The following ROBO2 variants were observed in gnomAD, a reference collection of about 807,000 sequenced individuals.
ROBO2 encodes the protein roundabout guidance receptor 2, also known as roundabout homolog 2.
ROBO2 carries 53 observed loss-of-function variants against 160.8 expected under a neutral mutation model. That is an observed-to-expected ratio of 0.33 (90% CI 0.26 to 0.41). The LOEUF is 0.41. Among genes scored for constraint, ROBO2 ranks in the 10% least tolerant of loss-of-function variants. The pLI is 1.00. For synonymous variants in ROBO2, 664 were observed against 611.7 expected, an observed-to-expected ratio of 1.09 and a Z score of -1.26; for missense variants, 1,577 against 1,722.4, an observed-to-expected ratio of 0.92 and a Z score of 1.49.
chr3:77,436,110 A>C (rs1441771962), intron 2 of ROBO2, among the ~76,000 whole-genome samples: 3 of 151,380 alleles, frequency 2.0e-5, no homozygotes, highest in African/African-American at 7.3e-5. Context: ...TATATAATAC[A>C]TCTGATTCTT....
intron 2 of ROBO2, among the ~76,000 whole-genome samples, chr3:76,476,069 C>T (rs1398940237): frequency 2.0e-5 from 3 of 152,158 alleles, no homozygotes; most frequent in Non-Finnish European, 1.5e-5. Context: ...AGGAGAATCA[C>T]TTAAACCCCG....
At chr3:77,251,760 A>C (rs2090376291) in intron 2 of ROBO2, among the ~76,000 whole-genome samples, 1 of 152,134 alleles carries the variant, frequency 6.6e-6, no homozygotes, top group African/African-American at 2.4e-5. Flanking sequence ...TGATGGTTTT[A>C]CAAGGGGTTT....
intron 2 of ROBO2, among the ~76,000 whole-genome samples, chr3:76,372,007 T>C (rs1035076280): frequency 6.6e-6 from 1 of 151,904 alleles, no homozygotes; most frequent in Non-Finnish European, 1.5e-5. Context: ...AGCCACTTGA[T>C]TGTCAACTGA....
intron 2 of ROBO2, among the ~76,000 whole-genome samples, chr3:76,135,266 G>A (rs1249300102): frequency 6.6e-6 from 1 of 151,990 alleles, no homozygotes; most frequent in Admixed American, 6.6e-5. Context: ...TGAAATTTAG[G>A]GAATAATTAG....
intron 2 of ROBO2, among the ~76,000 whole-genome samples, chr3:76,569,497 T>A (rs546092444): frequency 9.9e-4 from 151 of 152,244 alleles, no homozygotes; most frequent in African/African-American, 3.4e-3. Context: ...TTCAGAGACT[T>A]TAGGATTGTG....
intron 2 of ROBO2, among the ~76,000 whole-genome samples, chr3:77,470,296 T>C (rs73842883): frequency 0.15 from 23,217 of 152,106 alleles, 1,962 homozygotes; most frequent in South Asian, 0.24. Flanking sequence ...ATAGCTACAA[T>C]GGAAAGTTTA....
chr3:77,199,022 A>C (rs972856779), intron 2 of ROBO2, among the ~76,000 whole-genome samples: 3 of 152,216 alleles, frequency 2.0e-5, no homozygotes, highest in Non-Finnish European at 4.4e-5. Context: ...TTCCAGACTC[A>C]AGGGAGACAA....
intron 5 of ROBO2, among the ~76,000 whole-genome samples, chr3:77,497,175 A>T (rs998268825): frequency 2.0e-5 from 3 of 152,098 alleles, no homozygotes; most frequent in African/African-American, 7.2e-5. Flanking sequence ...ACTTCTGAAG[A>T]TATTACCGTT....
chr3:76,042,989 C>T (rs928808297), intron 2 of ROBO2, among the ~76,000 whole-genome samples: 1 of 152,024 alleles, frequency 6.6e-6, no homozygotes, highest in Non-Finnish European at 1.5e-5. Context: ...CTTCCTTCTA[C>T]AACTCGGTGT....
intron 2 of ROBO2, among the ~76,000 whole-genome samples, chr3:76,000,732 C>T (rs1467403268): frequency 1.3e-5 from 2 of 151,930 alleles, no homozygotes; most frequent in Non-Finnish European, 2.9e-5. Context: ...CCTCATGATC[C>T]ACCTGCCTCG....
intron 2 of ROBO2, among the ~76,000 whole-genome samples, chr3:77,003,878 A>G (rs1396018040): frequency 6.6e-6 from 1 of 151,698 alleles, no homozygotes; most frequent in Non-Finnish European, 1.5e-5. Context: ...TCCAGTGAAT[A>G]TTTTCTGGAA....
intron 2 of ROBO2, among the ~76,000 whole-genome samples, chr3:76,077,432 A>T (rs1287507528): frequency 1.3e-5 from 2 of 152,076 alleles, no homozygotes; most frequent in Non-Finnish European, 2.9e-5. Flanking sequence ...GTGTGGTGGC[A>T]GGCACCTGTA....
At chr3:75,990,958 G>T (rs1175853569) in intron 2 of ROBO2, among the ~76,000 whole-genome samples, 1 of 152,218 alleles carries the variant, frequency 6.6e-6, no homozygotes, top group South Asian at 2.1e-4. Context: ...AGAACAAAAA[G>T]GTAGACTAAG....
chr3:76,919,511 C>A (rs969780006), intron 2 of ROBO2, among the ~76,000 whole-genome samples: 1 of 152,104 alleles, frequency 6.6e-6, no homozygotes, highest in African/African-American at 2.4e-5. Flanking sequence ...ATAGTATCTT[C>A]TTGTTTCCTC....
chr3:76,483,173 A>C (rs2079300102), intron 2 of ROBO2, among the ~76,000 whole-genome samples: 1 of 152,100 alleles, frequency 6.6e-6, no homozygotes, highest in African/African-American at 2.4e-5. Context: ...AGTTAAGGAT[A>C]TTTAAAATTG....
At chr3:76,409,536 A>G (rs2075381866) in intron 2 of ROBO2, among the ~76,000 whole-genome samples, 1 of 152,078 alleles carries the variant, frequency 6.6e-6, no homozygotes, top group Admixed American at 6.6e-5. Flanking sequence ...CTAGCTGTCA[A>G]AACAAAACTC....
chr3:76,080,121 C>G (rs1298183545), intron 2 of ROBO2, among the ~76,000 whole-genome samples: 1 of 152,178 alleles, frequency 6.6e-6, no homozygotes, highest in Non-Finnish European at 1.5e-5. Flanking sequence ...AGTGACCTAG[C>G]TCTCAGCCTA....
chr3:77,622,195 C>CT (rs761559214), intron 22 of ROBO2, 32 bp from the exon 24 acceptor site: 1 of 1,598,126 alleles, frequency 6.3e-7, no homozygotes, highest in African/African-American at 1.3e-5. Context: ...TAATAAGTTG[C>CT]TTTTCTTTTT....
At chr3:75,965,833 C>A (rs949616503) in intron 2 of ROBO2, among the ~76,000 whole-genome samples, 1 of 151,544 alleles carries the variant, frequency 6.6e-6, no homozygotes, top group African/African-American at 2.4e-5. Context: ...TATATCCCTG[C>A]ATTCTTATCA....
Sources: allele counts gnomAD v4.1 joint callset (sites outside exome capture counted in the v4.1 genomes callset), GRCh38; gene constraint gnomAD v4.1.1; transcripts MANE v1.5; gene names NCBI Gene and HGNC (gene_info 2026-07-23, HGNC 2026-07-21).